MYRF: variants seen among roughly 807,000 people sequenced by gnomAD.
The protein encoded by MYRF is myelin gene regulatory factor.
A neutral mutation model predicts 126.3 loss-of-function variants in MYRF; 16 were observed. That is an observed-to-expected ratio of 0.13 (90% CI 0.09 to 0.19). MYRF has a LOEUF of 0.19. Among genes scored for constraint, MYRF ranks in the 10% least tolerant of loss-of-function variants. MYRF has a pLI of 1.00. For synonymous variants in MYRF, 608 were observed against 635.3 expected (o/e 0.96, Z 0.65); for missense variants, 1,104 against 1,547.0 (o/e 0.71, Z 4.80).
At chr11:61,782,159 G>T in intron 22 of MYRF, 1 of 276,468 alleles carries the variant, frequency 3.6e-6, no homozygotes, top group Non-Finnish European at 6.8e-6. Flanking sequence ...CCTTCGCCAT[G>T]CCAGCACCAG....
chr11:61,780,593 C>G (rs548536648), intron 18 of MYRF, 119 bp from the exon 19 acceptor site: 5 of 1,016,752 alleles, frequency 4.9e-6, no homozygotes, highest in Non-Finnish European at 5.8e-6. Flanking sequence ...AGGGCCAGGG[C>G]AGGGCCTTGG....
rs748772508 is a variant in MYRF, at chr11:61,776,743, C to T, written c.1500-44C>T. Reference sequence around the variant, plus strand: ...GCCAGGGAAAGGGTGGCCCTGGGGGCGGGGGCAGGCCATGAGTACTTCTGA... The same window carrying T: ...GCCAGGGAAAGGGTGGCCCTGGGGGTGGGGGCAGGCCATGAGTACTTCTGA... On this transcript the variant is annotated intron_variant, in intron 10 of 26. Transcript: ENST00000278836. The surrounding 1 kb of genome is among the most constrained non-coding windows in gnomAD (Gnocchi z 4.3). 1.0e-4 allele frequency: 150 copies of T among 1,464,920 alleles called. No individual in the cohort carries two copies. The highest frequency in any genetic ancestry group is 4.2e-4 in the Admixed American group (20 of 47,944). 90.7% of individuals were successfully genotyped at this position (1,464,920 alleles called of 1,614,324 possible). A position where few individuals can be genotyped will look rare whatever the true frequency, so the allele number is the denominator to read the frequency against.
chr11:61,785,976 G>A, intron 26 of MYRF, 87 bp from the exon 27 acceptor site: 2 of 1,557,322 alleles, frequency 1.3e-6, no homozygotes, highest in South Asian at 1.1e-5. Flanking sequence ...TAGGGCTGGG[G>A]GCACAGTGTC....
rs2066524823 is a variant in MYRF, at chr11:61,780,955, A to T, written c.2487-5A>T. ...CTCTGAGCTCAGCCCATCCTTCCCC[A>T]GCAGGTCCAGCCAGAGCTTTGGGAC... is the stretch of plus-strand genomic sequence containing the variant. On this transcript the variant is annotated splice_region_variant and splice_polypyrimidine_tract_variant and intron_variant, in intron 19 of 26. Coordinates refer to ENST00000278836, the MANE Select transcript of MYRF (RefSeq NM_001127392.3). 1 of 1,609,144 alleles carries T rather than the reference A, an allele frequency of 6.2e-7. No homozygotes were observed. Among genetic ancestry groups the T allele is most frequent in the Admixed American group, 1.7e-5 (1 of 59,962 alleles).
intron 1 of MYRF, among the ~76,000 whole-genome samples, chr11:61,762,521 T>A (rs930044085): frequency 2.6e-5 from 4 of 152,130 alleles, no homozygotes; most frequent in African/African-American, 9.7e-5. Flanking sequence ...GCTCCAGTGA[T>A]GTTCTGGGGC....
At chr11:61,775,931 A>T (rs1461178355) in intron 8 of MYRF, 125 bp from the exon 9 acceptor site, 1 of 846,918 alleles carries the variant, frequency 1.2e-6, no homozygotes, top group Non-Finnish European at 1.9e-6. Flanking sequence ...ATCGCGGCTG[A>T]GGGCTGGGTG....
In MYRF at chr11:61,778,035, C is replaced by T. The variant is rs1024200951; in HGVS notation, c.1903+190C>T. ...GCACCTCTCCAGGTCCCCGGAACCT[C>T]GCCCCATTGTCAGTGGAAATCTGAG... On this transcript the variant is annotated intron_variant, in intron 13 of 26. Coordinates refer to ENST00000278836, the MANE Select transcript of MYRF (RefSeq NM_001127392.3). The surrounding 1 kb of genome is among the most constrained non-coding windows in gnomAD (Gnocchi z 4.6). Among the ~76,000 whole-genome samples the T allele has an allele frequency of 2.6e-5, 4 of 152,210 alleles. No individual in the cohort carries two copies. Among genetic ancestry groups the T allele is most frequent in the East Asian group, 1.9e-4 (1 of 5,198 alleles).
intron 1 of MYRF, among the ~76,000 whole-genome samples, chr11:61,762,391 T>TGGGCAGCCTC (rs1182891121): frequency 6.6e-4 from 101 of 152,220 alleles, no homozygotes; most frequent in African/African-American, 2.3e-3. Flanking sequence ...TATTGGGCCC[T>TGGGCAGCCTC]GGGCAGCCTC....
At chr11:61,756,545 G>C (rs147773067) in intron 1 of MYRF, among the ~76,000 whole-genome samples, 1,800 of 151,928 alleles carry the variant, frequency 0.012, 32 homozygotes, top group African/African-American at 0.04. Context: ...GGTTTCCTGA[G>C]CCCAGGCAGG....
chr11:61,763,780 G>A (rs1049609272), intron 1 of MYRF, among the ~76,000 whole-genome samples: 10 of 152,248 alleles, frequency 6.6e-5, no homozygotes, highest in South Asian at 4.1e-4. Flanking sequence ...TGGGAGAATC[G>A]CTGGAACCTG....
chr11:61,779,646 T>C, intron 16 of MYRF, 76 bp downstream of exon 16: 1 of 1,364,706 alleles, frequency 7.3e-7, no homozygotes, highest in Non-Finnish European at 9.8e-7. Flanking sequence ...CTTGCAGTTC[T>C]CCAGCCTCAC....
At chr11:61,759,166 C>G (rs1163677806) in intron 1 of MYRF, among the ~76,000 whole-genome samples, 1 of 152,258 alleles carries the variant, frequency 6.6e-6, no homozygotes, top group Non-Finnish European at 1.5e-5. Context: ...CTACCTGGCA[C>G]CTGGTGGCCT....
In MYRF at chr11:61,784,161, T is replaced by C. The variant is rs1006947205; in HGVS notation, c.3195-119T>C. The C allele has an allele frequency of 3.3e-5, 35 of 1,053,848 alleles. No homozygotes were observed. The African/African-American group carries it at 4.9e-4, about 15-fold the overall frequency. 65.3% of individuals were successfully genotyped at this position (1,053,848 alleles called of 1,614,324 possible). ...AAAGGTTTTGTTCGAGGGCCCTGGTTATTATGCGGTGTTTCAGGCTGGGTG... is the reference window on the plus strand; with the variant it reads ...AAAGGTTTTGTTCGAGGGCCCTGGTCATTATGCGGTGTTTCAGGCTGGGTG... On this transcript the variant is annotated intron_variant, in intron 24 of 26. Transcript: ENST00000278836.
At chr11:61,782,866 A>G (rs926229832) in intron 22 of MYRF, 4 of 152,374 alleles carry the variant, frequency 2.6e-5, no homozygotes, top group Non-Finnish European at 4.4e-5. Flanking sequence ...AGAGCTGAAA[A>G]CGTACCAGGT....
intron 8 of MYRF, among the ~76,000 whole-genome samples, chr11:61,775,387 CCT>C (rs2066348346): frequency 1.3e-5 from 2 of 152,242 alleles, no homozygotes; most frequent in Admixed American, 1.3e-4. Context: ...ACCCATCCCT[CCT>C]CTCCAGGCAG....
intron 24 of MYRF, 129 bp downstream of exon 24, chr11:61,784,054 C>A: frequency 2.5e-6 from 3 of 1,192,608 alleles, no homozygotes; most frequent in Non-Finnish European, 2.4e-6. Context: ...GGGATAAGTG[C>A]TGACTTCATT....
intron 3 of MYRF, chr11:61,768,814 C>G (rs554733431): frequency 6.1e-6 from 1 of 164,958 alleles, no homozygotes; most frequent in Non-Finnish European, 1.3e-5. Flanking sequence ...GGTGCTGGCT[C>G]CCTTCCCAGT....
chr11:61,786,192 AC>A lies in MYRF; in HGVS notation c.*55del, dbSNP rs775491121. 4 of 1,529,362 alleles carry A rather than the reference AC, an allele frequency of 2.6e-6. No individual in the cohort carries two copies. Among genetic ancestry groups the A allele is most frequent in the African/African-American group, 1.4e-5 (1 of 73,048 alleles). The allele number at this position is 1,529,362 out of a possible 1,614,324, so 94.7% of individuals were successfully genotyped here. On this transcript the variant is annotated 3_prime_UTR_variant, in exon 27 of 27. Coordinates refer to ENST00000278836, the MANE Select transcript of MYRF (RefSeq NM_001127392.3). The surrounding 1 kb of genome is among the most constrained non-coding windows in gnomAD (Gnocchi z 4.5). ...CACCAGGGACCAGGGGTGCCCAGGC[AC>A]CCCCCAACACTGGATGCAATGGTGT...
chr11:61,759,622 A>G (rs2065851025), intron 1 of MYRF, among the ~76,000 whole-genome samples: 1 of 152,052 alleles, frequency 6.6e-6, no homozygotes, highest in Non-Finnish European at 1.5e-5. Context: ...GTGAGCCAAG[A>G]TTGTGCCACT....
Sources: allele counts gnomAD v4.1 joint callset (sites outside exome capture counted in the v4.1 genomes callset), GRCh38; gene constraint gnomAD v4.1.1; non-coding constraint Gnocchi (gnomAD v3.1); transcripts MANE v1.5; gene names NCBI Gene and HGNC (gene_info 2026-07-23, HGNC 2026-07-21).